WWC1: variants seen among roughly 807,000 people sequenced by gnomAD.
WWC1 encodes protein KIBRA.
A neutral mutation model predicts 138.4 loss-of-function variants in WWC1; 55 were observed. The observed-to-expected ratio is 0.40, with a 90% CI of 0.32 to 0.50. The LOEUF (loss-of-function observed/expected upper bound fraction) is 0.50, where lower values mean the gene tolerates loss of function less well. Among genes scored for constraint, WWC1 ranks in the 20% least tolerant of loss-of-function variants. WWC1 has a pLI of 0.72. For synonymous variants in WWC1, 524 were observed against 564.9 expected (o/e 0.93, Z 1.03); for missense variants, 1,226 against 1,420.4 (o/e 0.86, Z 2.20).
At chr5:168,391,571 A>G (rs1274853456) in intron 3 of WWC1, among the ~76,000 whole-genome samples, 1 of 150,046 alleles carries the variant, frequency 6.7e-6, no homozygotes, top group Non-Finnish European at 1.5e-5. Context: ...AGGCAGGAGA[A>G]TAGTGTGAAC....
chr5:168,414,906 C>T, intron 9 of WWC1: 1 of 302,574 alleles, frequency 3.3e-6, no homozygotes, highest in Middle Eastern at 1.0e-3. Flanking sequence ...CATTTTCCAA[C>T]TTTTTGACAG....
At chr5:168,420,051 C>T (rs1242362069) in intron 9 of WWC1, among the ~76,000 whole-genome samples, 3 of 152,212 alleles carry the variant, frequency 2.0e-5, no homozygotes, top group African/African-American at 7.2e-5. Flanking sequence ...CCTTTGCTGA[C>T]TGTTGCCAGT....
chr5:168,382,266 A>C (rs929221884), intron 2 of WWC1, among the ~76,000 whole-genome samples: 4 of 152,214 alleles, frequency 2.6e-5, no homozygotes, highest in Admixed American at 1.3e-4. Context: ...TCCATGTTGC[A>C]TTAAAGTAAC....
chr5:168,436,788 C>T (rs1222705218), intron 15 of WWC1, among the ~76,000 whole-genome samples: 2 of 152,146 alleles, frequency 1.3e-5, no homozygotes, highest in Admixed American at 6.6e-5. Context: ...AGACCCAAGC[C>T]ACTGTCTTCC....
intron 1 of WWC1, among the ~76,000 whole-genome samples, chr5:168,301,640 A>G (rs77879502): frequency 5.0e-5 from 7 of 140,556 alleles, no homozygotes; most frequent in Admixed American, 1.4e-4. Context: ...CTTCGTCTCA[A>G]AAAAAAAAAA....
At chr5:168,377,287 G>T (rs1777259803) in intron 2 of WWC1, among the ~76,000 whole-genome samples, 3 of 152,142 alleles carry the variant, frequency 2.0e-5, no homozygotes, top group South Asian at 4.1e-4. Context: ...ACTCAAAATG[G>T]ATTAAAGATT....
intron 3 of WWC1, among the ~76,000 whole-genome samples, chr5:168,386,370 C>A (rs1582115317): frequency 7.6e-6 from 1 of 131,270 alleles, no homozygotes; most frequent in South Asian, 2.7e-4. Context: ...GCCAAAATCC[C>A]CTTGTTCTTT....
At chr5:168,455,623 G>A (rs996814013) in intron 19 of WWC1, 103 bp downstream of exon 19, 11 of 1,465,412 alleles carry the variant, frequency 7.5e-6, no homozygotes, top group Admixed American at 4.7e-5. Context: ...GGGTGACTTC[G>A]GGTATGTTAA....
rs142110660 is a variant in WWC1 at position 168,321,153 on chromosome 5, A to G, written c.119+28882A>G. On this transcript the variant is annotated intron_variant, in intron 1 of 22. Transcript: ENST00000265293. ...CCGTATTTGGTAGGACATCCCCCTC[A>G]TCCCAGAGATACCTGGGCTTTTGTG... Among the ~76,000 whole-genome samples the G allele has an allele frequency of 4.1e-3, 623 of 152,196 alleles. 2 individuals carry two copies. The highest frequency in any genetic ancestry group is 0.014 in the African/African-American group (580 of 41,528).
In WWC1 at chr5:168,414,881, AT is replaced by A. The variant is rs1780490248; in HGVS notation, c.1184+292del. 4.2e-5 allele frequency: 14 copies of A among 331,298 alleles called. No homozygotes were observed. The African/African-American group carries it at 5.0e-4, about 12-fold the overall frequency. The allele number at this position is 331,298 out of a possible 1,614,324, so 20.5% of individuals were successfully genotyped here. On this transcript the variant is annotated intron_variant, in intron 9 of 22. Transcript: ENST00000265293. ...ACTCAATTAAGCCACATAACTCTATATAACTTAAAGCAGTCATTTTCCAACT... is the reference window on the plus strand; with the variant it reads ...ACTCAATTAAGCCACATAACTCTATAAACTTAAAGCAGTCATTTTCCAACT...
rs529545385 is a variant in WWC1 at position 168,337,379 on chromosome 5, A to G, written c.120-34045A>G. On this transcript the variant is annotated intron_variant, in intron 1 of 22. Coordinates refer to ENST00000265293, the MANE Select transcript of WWC1 (RefSeq NM_015238.3). ...GGTTTTGACATCTCCTCTCTTTCCT[A>G]CACCCCTCCCCCCAGAAACAGCTGG... 1.9e-3 allele frequency among the ~76,000 whole-genome samples: 292 copies of G among 151,936 alleles called. 1 individual carries two copies. Among genetic ancestry groups the G allele is most frequent in the African/African-American group, 6.6e-3 (272 of 41,396 alleles).
At chr5:168,378,357 C>T (rs1014305204) in intron 2 of WWC1, among the ~76,000 whole-genome samples, 2 of 152,154 alleles carry the variant, frequency 1.3e-5, no homozygotes, top group African/African-American at 4.8e-5. Flanking sequence ...CCCCAAACCT[C>T]AGCATCATGC....
chr5:168,467,486 T>C (rs2152898005), intron 21 of WWC1, among the ~76,000 whole-genome samples: 1 of 152,278 alleles, frequency 6.6e-6, no homozygotes, highest in East Asian at 1.9e-4. Context: ...TAGTCTGACA[T>C]TAAAGAAATT....
intron 2 of WWC1, among the ~76,000 whole-genome samples, chr5:168,375,190 G>A (rs1268735883): frequency 6.6e-6 from 1 of 152,128 alleles, no homozygotes; most frequent in African/African-American, 2.4e-5. Context: ...ACACTAAGTT[G>A]GTTGGGAATG....
chr5:168,396,823 G>A (rs1054070557), intron 3 of WWC1, among the ~76,000 whole-genome samples: 1 of 152,106 alleles, frequency 6.6e-6, no homozygotes, highest in African/African-American at 2.4e-5. Flanking sequence ...TTACAACTAC[G>A]TGATAGAACC....
chr5:168,353,744 T>C (rs970709083), intron 1 of WWC1, among the ~76,000 whole-genome samples: 2 of 152,232 alleles, frequency 1.3e-5, no homozygotes, highest in Non-Finnish European at 2.9e-5. Flanking sequence ...CAAGGTCTTA[T>C]TTATTTGGCC....
chr5:168,441,661 C>T (rs1561770977), intron 15 of WWC1, 21 bp from the exon 16 acceptor site: 1 of 1,612,440 alleles, frequency 6.2e-7, no homozygotes, highest in East Asian at 2.2e-5. Flanking sequence ...CTTATGTTCT[C>T]CTTGTTTCCA....
chr5:168,342,979 C>T (rs1774168544), intron 1 of WWC1, among the ~76,000 whole-genome samples: 2 of 152,130 alleles, frequency 1.3e-5, no homozygotes, highest in African/African-American at 2.4e-5. Flanking sequence ...TTAAAAAATT[C>T]CATCCAATTT....
At chr5:168,323,543 C>A (rs1402792524) in intron 1 of WWC1, among the ~76,000 whole-genome samples, 1 of 151,506 alleles carries the variant, frequency 6.6e-6, no homozygotes, top group Non-Finnish European at 1.5e-5. Flanking sequence ...CGAGTGAGAC[C>A]CTGTCTAAAA....
Sources: gnomAD v4.1 joint callset for allele counts (sites outside exome capture counted in the v4.1 genomes callset) on GRCh38, gnomAD v4.1.1 for gene constraint, MANE v1.5 for transcripts, NCBI Gene and HGNC (gene_info 2026-07-23, HGNC 2026-07-21) for gene names.